Variants in CENPC observed in about 807,000 individuals in gnomAD.
CENPC encodes centromere protein C.
In CENPC, 63 loss-of-function variants were observed where a neutral mutation model predicts 112.1. The observed-to-expected ratio is 0.56, with a 90% CI of 0.46 to 0.69. The LOEUF (loss-of-function observed/expected upper bound fraction) is 0.69, where lower values mean the gene tolerates loss of function less well. Ranked by LOEUF, CENPC falls within the 30% of genes least tolerant of loss-of-function variation. CENPC has a pLI of 0.00. For missense variants in CENPC, 1,000 were observed against 1,103.8 expected (o/e 0.91, Z 1.33); for synonymous variants, 333 against 367.6 (o/e 0.91, Z 1.08).
rs759290191 is a variant in CENPC at position 67,509,124 on chromosome 4, A to C, written c.1613-19T>G. 6.3e-7 allele frequency: 1 copy of C among 1,576,282 alleles called. No homozygotes were observed. Among genetic ancestry groups the C allele is most frequent in the Admixed American group, 1.8e-5 (1 of 55,738 alleles). On this transcript the variant is annotated intron_variant, in intron 9 of 18. Transcript: ENST00000273853. ...ACAGGACCTGAAGGATTCAATGATA[A>C]CCTAAAGTTAGTAAGTTTGTCCAGA...
chr4:67,530,336 A>G (rs1044162098), intron 5 of CENPC, among the ~76,000 whole-genome samples: 1 of 152,184 alleles, frequency 6.6e-6, no homozygotes, highest in African/African-American at 2.4e-5. Context: ...TATCAGGTAA[A>G]AGGTACTCTT....
chr4:67,484,704 A>G (rs1294081889), intron 17 of CENPC, among the ~76,000 whole-genome samples: 1 of 152,190 alleles, frequency 6.6e-6, no homozygotes, highest in East Asian at 1.9e-4. Flanking sequence ...ATACAGGAAG[A>G]GATTTCTTTT....
intron 10 of CENPC, 102 bp from the exon 11 acceptor site, chr4:67,507,036 A>G (rs1725756218): frequency 1.3e-6 from 1 of 745,598 alleles, no homozygotes; most frequent in African/African-American, 1.8e-5. Context: ...AATATTGGCT[A>G]TAACGAATAT....
chr4:67,545,284 C>T, intron 1 of CENPC, 54 bp downstream of exon 1: 1 of 1,450,504 alleles, frequency 6.9e-7, no homozygotes, highest in Non-Finnish European at 9.2e-7. Context: ...CTCGGGCGCC[C>T]GTGCCCCAGC....
At chr4:67,484,345 A>G (rs1047065902) in intron 17 of CENPC, among the ~76,000 whole-genome samples, 1 of 152,218 alleles carries the variant, frequency 6.6e-6, no homozygotes, top group African/African-American at 2.4e-5. Flanking sequence ...AGTAACACAT[A>G]GCTGTAATTT....
chr4:67,531,786 G>C (rs1000000868), intron 4 of CENPC, among the ~76,000 whole-genome samples: 1 of 152,146 alleles, frequency 6.6e-6, no homozygotes, highest in Non-Finnish European at 1.5e-5. Context: ...CTGCTAATGC[G>C]CATTTTTCCC....
In CENPC at chr4:67,514,670, G is replaced by A. The variant is rs766812204; in HGVS notation, c.848C>T (p.Ala283Val). 3.5e-5 allele frequency: 56 copies of A among 1,606,592 alleles called. No homozygotes were observed. Among genetic ancestry groups the A allele is most frequent in the Non-Finnish European group, 4.2e-5 (50 of 1,176,718 alleles). The part of the protein sequence containing the change: ...KSESSPIVRH[A>V]ATAPPHSCPP... ...ACACGAATGAGGTGGAGCAGTTGCCGCATGCCTAACAATGGGACTGAAACA... is the reference window on the plus strand; with the variant it reads ...ACACGAATGAGGTGGAGCAGTTGCCACATGCCTAACAATGGGACTGAAACA... The change falls in exon 8 of 19, where the codon GCG (alanine) becomes GTG (valine). Residue 283 changes from alanine (A) to valine (V), a missense_variant. Transcript: ENST00000273853.
chr4:67,484,486 T>C (rs1431490703), intron 17 of CENPC, among the ~76,000 whole-genome samples: 2 of 152,242 alleles, frequency 1.3e-5, no homozygotes, highest in Admixed American at 6.5e-5. Flanking sequence ...TGTTACTGCC[T>C]GAGCTCTGCC....
chr4:67,523,058 T>C (rs1182996427), intron 5 of CENPC, among the ~76,000 whole-genome samples: 1 of 151,984 alleles, frequency 6.6e-6, no homozygotes. Flanking sequence ...ACACTTATAA[T>C]CCCAGCCCTT....
At chr4:67,490,670 T>C (rs1434945101) in intron 16 of CENPC, among the ~76,000 whole-genome samples, 1 of 151,308 alleles carries the variant, frequency 6.6e-6, no homozygotes, top group Non-Finnish European at 1.5e-5. Flanking sequence ...GAAAGCAGAG[T>C]TCTAATGGTT....
chr4:67,544,329 T>C, intron 1 of CENPC, 134 bp from the exon 2 acceptor site: 1 of 607,152 alleles, frequency 1.6e-6, no homozygotes, highest in Non-Finnish European at 3.0e-6. Context: ...AATTTTGAGG[T>C]TATGTTATGA....
At chr4:67,475,389 G>T (rs1309176104) in intron 17 of CENPC, among the ~76,000 whole-genome samples, 4 of 152,174 alleles carry the variant, frequency 2.6e-5, no homozygotes, top group African/African-American at 9.7e-5. Context: ...GAGGAAATGG[G>T]AACCTCAGTC....
rs556252443 is a variant in CENPC, at chr4:67,484,369, C to T, written c.2670+5598G>A. Reference sequence around the variant, plus strand: ...TAGCTGTAATTTGTTAGAGCAGCAACTGAAAACTAATACAGATGTCCCCAA... The same window carrying T: ...TAGCTGTAATTTGTTAGAGCAGCAATTGAAAACTAATACAGATGTCCCCAA... On this transcript the variant is annotated intron_variant, in intron 17 of 18. Transcript: ENST00000273853. Among the ~76,000 whole-genome samples the T allele has an allele frequency of 1.1e-4, 17 of 152,276 alleles. No individual in the cohort carries two copies. The East Asian group carries it at 3.1e-3, about 28-fold the overall frequency.
chr4:67,538,636 G>A (rs1271836213), intron 4 of CENPC, among the ~76,000 whole-genome samples: 1 of 152,338 alleles, frequency 6.6e-6, no homozygotes, highest in South Asian at 2.1e-4. Context: ...CGGTTACATA[G>A]AGAAAACTGC....
rs1421114250 is a variant in CENPC, at chr4:67,469,270, C to T, written c.*3335G>A. The T allele has an allele frequency of 6.6e-6, 1 of 152,104 alleles. No homozygotes were observed. The allele number at this position is 152,104 out of a possible 1,614,324, so 9.4% of individuals were successfully genotyped here. ...ATTAATGGGTATCAAATTTGCCCTC[C>T]TCCAACAAACTTTAAAATAGAAAAA... On this transcript the variant is annotated 3_prime_UTR_variant, in exon 19 of 19. Coordinates refer to ENST00000273853, the MANE Select transcript of CENPC (RefSeq NM_001812.4).
intron 2 of CENPC, 84 bp from the exon 3 acceptor site, chr4:67,541,134 T>G (rs1280182845): frequency 4.9e-6 from 4 of 821,374 alleles, no homozygotes. Flanking sequence ...CATCTCATTA[T>G]AAAATATAAA....
intron 7 of CENPC, among the ~76,000 whole-genome samples, chr4:67,515,137 A>C (rs1442024225): frequency 6.6e-6 from 1 of 152,072 alleles, no homozygotes; most frequent in Non-Finnish European, 1.5e-5. Context: ...GAACACTCCA[A>C]GTCTAATATT....
intron 4 of CENPC, among the ~76,000 whole-genome samples, chr4:67,534,329 T>C (rs551487719): frequency 6.6e-6 from 1 of 152,116 alleles, no homozygotes; most frequent in Non-Finnish European, 1.5e-5. Context: ...GACAGGAGAA[T>C]TGCTTGAACC....
chr4:67,491,513 A>C (rs1023849373), intron 16 of CENPC, among the ~76,000 whole-genome samples: 3 of 141,170 alleles, frequency 2.1e-5, no homozygotes, highest in Admixed American at 7.1e-5. Context: ...AGAGAGAGAG[A>C]GAGAGAGAGA....
Sources: allele counts gnomAD v4.1 joint callset (sites outside exome capture counted in the v4.1 genomes callset), GRCh38; gene constraint gnomAD v4.1.1; transcripts MANE v1.5; gene names NCBI Gene and HGNC (gene_info 2026-07-23, HGNC 2026-07-21).